The following UMODL1 variants were observed in gnomAD, a reference collection of about 807,000 sequenced individuals.
The protein encoded by UMODL1 is uromodulin like 1, also known as uromodulin-like 1.
Under a neutral mutation model 136.3 loss-of-function variants are expected in UMODL1, and 128 were observed. That is an observed-to-expected ratio of 0.94 (90% CI 0.81 to 1.09). The LOEUF (loss-of-function observed/expected upper bound fraction) is 1.09. UMODL1 is among the 50% of genes least tolerant of loss of function. The probability of loss-of-function intolerance (pLI) is 0.00; values close to 1 mark genes in which losing one functional copy is unlikely to be tolerated. For missense variants in UMODL1, 1,766 were observed against 1,725.6 expected (o/e 1.02, Z -0.41); for synonymous variants, 721 against 720.0 (o/e 1.00, Z -0.02).
chr21:42,119,443 C>G (rs576795490), intron 15 of UMODL1, 119 bp downstream of exon 15: 1 of 853,212 alleles, frequency 1.2e-6, no homozygotes, highest in African/African-American at 1.7e-5. Flanking sequence ...CTTCTTCCCC[C>G]AGAATTAGAT....
intron 21 of UMODL1, among the ~76,000 whole-genome samples, chr21:42,134,794 T>A (rs1022061445): frequency 2.1e-5 from 3 of 144,152 alleles, no homozygotes; most frequent in Non-Finnish European, 4.6e-5. Context: ...TTTTTTTTTT[T>A]ATATTTTTTT....
At chr21:42,112,814 C>T (rs1284366553) in intron 12 of UMODL1, 1 of 144,310 alleles carries the variant, frequency 6.9e-6, no homozygotes, top group Non-Finnish European at 1.5e-5. Flanking sequence ...TCTGTACCCC[C>T]ATCTGCTCTA....
chr21:42,071,522 T>C (rs1221670400), intron 1 of UMODL1, 130 bp downstream of exon 1: 2 of 950,048 alleles, frequency 2.1e-6, no homozygotes, highest in African/African-American at 1.7e-5. Context: ...CGACATCTGT[T>C]CTTTTGTGGA....
At chr21:42,141,474 A>T (rs755568776) in intron 22 of UMODL1, among the ~76,000 whole-genome samples, 3 of 152,220 alleles carry the variant, frequency 2.0e-5, no homozygotes, top group Admixed American at 6.5e-5. Flanking sequence ...TTAATATTTA[A>T]GATGCGAATC....
chr21:42,129,650 C>G, intron 20 of UMODL1, 63 bp from the exon 21 acceptor site: 3 of 1,418,974 alleles, frequency 2.1e-6, no homozygotes, highest in South Asian at 2.7e-5. Flanking sequence ...TTGATAGTAG[C>G]TCCTTTCTCA....
At chr21:42,109,115 C>A (rs2066777036) in intron 9 of UMODL1, among the ~76,000 whole-genome samples, 1 of 123,960 alleles carries the variant, frequency 8.1e-6, no homozygotes, top group Non-Finnish European at 1.7e-5. Flanking sequence ...TGGTGTTATA[C>A]TCCGCTGGAC....
chr21:42,106,589 C>T (rs952044819), intron 9 of UMODL1, among the ~76,000 whole-genome samples: 1 of 152,180 alleles, frequency 6.6e-6, no homozygotes, highest in South Asian at 2.1e-4. Flanking sequence ...GCGCCAGTCA[C>T]GGTGGGCTGT....
At chr21:42,082,083 G>C (rs566877965) in intron 2 of UMODL1, among the ~76,000 whole-genome samples, 1 of 152,354 alleles carries the variant, frequency 6.6e-6, no homozygotes, top group African/African-American at 2.4e-5. Context: ...CGGCTGAGAG[G>C]AATGCCCACA....
intron 6 of UMODL1, among the ~76,000 whole-genome samples, chr21:42,090,832 GT>G (rs748972527): frequency 1.3e-5 from 2 of 152,194 alleles, no homozygotes; most frequent in Non-Finnish European, 2.9e-5. Context: ...TCTGATGTTA[GT>G]TCTGTTTAGA....
At chr21:42,073,904 A>G (rs1384615968) in intron 1 of UMODL1, among the ~76,000 whole-genome samples, 3 of 152,190 alleles carry the variant, frequency 2.0e-5, no homozygotes, top group Admixed American at 6.5e-5. Flanking sequence ...CTTAGAGCTC[A>G]GGGGTTGAGT....
At position 42,085,517 on chromosome 21, in the gene UMODL1, G is replaced by A. The variant is rs762141847; in HGVS notation, c.603+105G>A. On this transcript the variant is annotated intron_variant, in intron 4 of 22. Transcript: ENST00000408910. The surrounding 1 kb of genome is among the most constrained non-coding windows in gnomAD (Gnocchi z 4.5). ...GGACCTGGGGGTTGGGGAGGGTGAT[G>A]TTCCCCAAATGGCCCCAAATGACTG... 1.3e-6 allele frequency: 2 copies of A among 1,552,918 alleles called. No individual in the cohort carries two copies. Among genetic ancestry groups the A allele is most frequent in the East Asian group, 2.3e-5 (1 of 44,290 alleles).
intron 3 of UMODL1, among the ~76,000 whole-genome samples, chr21:42,084,780 G>A (rs895632472): frequency 5.4e-5 from 8 of 149,322 alleles, no homozygotes; most frequent in South Asian, 2.1e-4. Flanking sequence ...ATATTATAGC[G>A]TTAGTATGGT....
intron 20 of UMODL1, among the ~76,000 whole-genome samples, chr21:42,128,956 C>T (rs571091883): frequency 2.4e-4 from 36 of 152,178 alleles, no homozygotes; most frequent in Non-Finnish European, 5.0e-4. Flanking sequence ...ATGGAGGTGT[C>T]AGCCGGCTGG....
chr21:42,137,147 A>G (rs1480316464), intron 21 of UMODL1, among the ~76,000 whole-genome samples: 1 of 152,152 alleles, frequency 6.6e-6, no homozygotes, highest in Non-Finnish European at 1.5e-5. Flanking sequence ...CCGTGTGTCC[A>G]TGCAGGGAAT....
intron 6 of UMODL1, among the ~76,000 whole-genome samples, chr21:42,094,507 G>A (rs186230439): frequency 3.3e-5 from 5 of 152,108 alleles, no homozygotes; most frequent in South Asian, 2.1e-4. Context: ...CCGCATTGCC[G>A]TGGCCTTGGG....
At chr21:42,109,490 C>T in intron 9 of UMODL1, 72 bp from the exon 10 acceptor site, 2 of 1,580,642 alleles carry the variant, frequency 1.3e-6, no homozygotes, top group South Asian at 1.1e-5. Context: ...GGACTCCTTC[C>T]AGCATGGGTC....
chr21:42,106,231 G>A (rs114967107), intron 9 of UMODL1, among the ~76,000 whole-genome samples: 1,542 of 152,292 alleles, frequency 0.01, 26 homozygotes, highest in African/African-American at 0.035. Flanking sequence ...GAGGCAGCAC[G>A]AGGCCTGAGC....
intron 5 of UMODL1, among the ~76,000 whole-genome samples, chr21:42,089,072 A>G (rs1368985812): frequency 6.6e-6 from 1 of 152,230 alleles, no homozygotes; most frequent in South Asian, 2.1e-4. Flanking sequence ...AAGGGATCAG[A>G]TAGTAAATAT....
intron 13 of UMODL1, among the ~76,000 whole-genome samples, chr21:42,115,211 G>A (rs140387160): frequency 1.7e-4 from 26 of 152,316 alleles, no homozygotes; most frequent in African/African-American, 5.8e-4. Context: ...CTGAACACTG[G>A]GGTGGCTGCC....
Sources: allele counts gnomAD v4.1 joint callset (sites outside exome capture counted in the v4.1 genomes callset), GRCh38; gene constraint gnomAD v4.1.1; non-coding constraint Gnocchi (gnomAD v3.1); transcripts MANE v1.5; gene names NCBI Gene and HGNC (gene_info 2026-07-23, HGNC 2026-07-21).